The following FAM3A variants were observed in gnomAD, a reference collection of about 807,000 sequenced individuals.
FAM3A encodes the protein protein FAM3A.
In FAM3A, 5 loss-of-function variants were observed where a neutral mutation model predicts 18.1. The observed-to-expected ratio is 0.28, with a 90% CI of 0.14 to 0.58. FAM3A has a LOEUF of 0.58. Ranked by LOEUF, FAM3A falls within the 20% of genes least tolerant of loss-of-function variation. The probability of loss-of-function intolerance (pLI) is 0.91; values close to 1 mark genes in which losing one functional copy is unlikely to be tolerated. For missense variants in FAM3A, 154 were observed against 216.6 expected (o/e 0.71, Z 1.81); for synonymous variants, 108 against 90.2 (o/e 1.20, Z -1.12).
rs782432157 is a variant in FAM3A at position 154,512,275 on chromosome X, G to T, written c.128-404C>A. On this transcript the variant is annotated intron_variant, in intron 2 of 8. Coordinates refer to ENST00000447601, the MANE Select transcript of FAM3A (RefSeq NM_021806.4). ...ATAATAATAATAATAATAAGAAGAA[G>T]AAGAAGAAGAAGAAGAAGCCGGGTT... The T allele has an allele frequency of 4.9e-4, 119 of 243,053 alleles. 1 individual carries two copies. Among genetic ancestry groups the T allele is most frequent in the African/African-American group, 3.7e-3 (113 of 30,690 alleles). 20.0% of individuals were successfully genotyped at this position (243,053 alleles called of 1,213,427 possible).
intron 1 of FAM3A, among the ~76,000 whole-genome samples, chrX:154,513,837 CT>C (rs1557224188): frequency 9.1e-6 from 1 of 110,490 alleles, no homozygotes; most frequent in Non-Finnish European, 1.9e-5. Flanking sequence ...TCCCCATCCT[CT>C]TTCCCCTAAC....
Position 154,508,280 on chromosome X carries a change from G to A in FAM3A, c.334+9C>T. On this transcript the variant is annotated intron_variant, in intron 5 of 8. Transcript: ENST00000447601. ...AGGGCGGCAGGCCACGCTCAGCCAGGGGCCTCACCGTTCACCAGGGCGATG... is the reference window on the plus strand; with the variant it reads ...AGGGCGGCAGGCCACGCTCAGCCAGAGGCCTCACCGTTCACCAGGGCGATG... 1 of 1,071,357 alleles carries A rather than the reference G, an allele frequency of 9.3e-7. No individual in the cohort carries two copies. 88.3% of individuals were successfully genotyped at this position (1,071,357 alleles called of 1,213,427 possible). A position where few individuals can be genotyped will look rare whatever the true frequency, so the allele number is the denominator to read the frequency against.
chrX:154,506,415 G>C lies in FAM3A; in HGVS notation c.*396C>G, dbSNP rs1365226104. ...GTGCAGAGTGGCTCCAGAAGGGAGA[G>C]GTTCTGGAAGACGCCCCAACCTGCC... On this transcript the variant is annotated 3_prime_UTR_variant, in exon 9 of 9. Transcript: ENST00000447601. The C allele has an allele frequency of 2.2e-5, 4 of 185,942 alleles. No individual in the cohort carries two copies. Among genetic ancestry groups the C allele is most frequent in the East Asian group, 1.2e-4 (1 of 8,258 alleles). 15.3% of individuals were successfully genotyped at this position (185,942 alleles called of 1,213,427 possible).
chrX:154,506,965 G>A, intron 8 of FAM3A, 59 bp from the exon 9 acceptor site: 4 of 1,028,214 alleles, frequency 3.9e-6, no homozygotes, highest in Non-Finnish European at 4.1e-6. Flanking sequence ...GGACAGGAGT[G>A]GACCAGGACC....
intron 8 of FAM3A, 72 bp from the exon 9 acceptor site, chrX:154,506,978 G>A (rs1363824862): frequency 8.1e-6 from 8 of 991,457 alleles, no homozygotes; most frequent in South Asian, 2.0e-5. Context: ...CCAGGACCCA[G>A]GCTGTCAGTC....
At position 154,506,585 on chromosome X, in the gene FAM3A, ACCCTGGGCTCCCGTGAC is replaced by A. The variant is rs2069533488; in HGVS notation, c.*209_*225del. Reference sequence around the variant, plus strand: ...ACAGTGTTACGAAAAGGAGGCGGGTACCCTGGGCTCCCGTGACAAAGTGCGGCAGGGCTACCCCCTGC... The same window carrying A: ...ACAGTGTTACGAAAAGGAGGCGGGTAAAAGTGCGGCAGGGCTACCCCCTGC... On this transcript the variant is annotated 3_prime_UTR_variant, in exon 9 of 9. Transcript: ENST00000447601. The A allele has an allele frequency of 2.4e-6, 1 of 414,807 alleles. No individual in the cohort carries two copies. The highest frequency in any genetic ancestry group is 4.2e-6 in the Non-Finnish European group (1 of 236,590). 34.2% of individuals were successfully genotyped at this position (414,807 alleles called of 1,213,427 possible).
rs782699378 is a variant in FAM3A, at chrX:154,507,850, C to T, written c.346G>A (p.Glu116Lys). The change falls in exon 6 of 9, where the codon GAG becomes AAG. Residue 116 changes from glutamate to lysine, a missense_variant. By Grantham distance (56) the Glu-to-Lys change is moderately conservative. Around this residue, in one of 3 missense-constraint regions of FAM3A, gnomAD observed 112 missense variants for 160.0 expected, o/e 0.70. Transcript: ENST00000447601. ...TCAAAGGCCCGGGCCTCGATGAGCT[C>T]GCCGCTGACCCCTGTGTCAGGAGGG... ...NIALVNGVSG[E>K]LIEARAFDMW... The T allele has an allele frequency of 8.4e-6, 10 of 1,191,421 alleles. No homozygotes were observed. In the East Asian group the frequency reaches 9.1e-5, roughly 11 times the overall value.
chrX:154,515,110 G>A (rs1201889835), intron 1 of FAM3A, among the ~76,000 whole-genome samples: 5 of 112,270 alleles, frequency 4.5e-5, no homozygotes, highest in Non-Finnish European at 9.4e-5. Context: ...GTGAGCCACC[G>A]CGCCCGGCCT....
rs2070167881 is a variant in FAM3A at position 154,515,849 on chromosome X, G to C, written c.-77C>G. The C allele has an allele frequency of 2.7e-6, 3 of 1,110,620 alleles. No individual in the cohort carries two copies. Among genetic ancestry groups the C allele is most frequent in the Non-Finnish European group, 3.7e-6 (3 of 805,771 alleles). The allele number at this position is 1,110,620 out of a possible 1,213,427, so 91.5% of individuals were successfully genotyped here. A position where few individuals can be genotyped will look rare whatever the true frequency, so the allele number is the denominator to read the frequency against. On this transcript the variant is annotated 5_prime_UTR_variant, in exon 1 of 9. Transcript: ENST00000447601. ...CAAAGCGGAAGGACAGGTTTGGGTG[G>C]GGGTCAGGGGCAAGCCTGTGCGGGA... is the stretch of plus-strand genomic sequence containing the variant.
At chrX:154,508,178 C>A in intron 5 of FAM3A, 111 bp downstream of exon 5, 1 of 585,655 alleles carries the variant, frequency 1.7e-6, no homozygotes, top group Non-Finnish European at 2.6e-6. Flanking sequence ...CCTTCCCAGG[C>A]CTCCCTGGGA....
chrX:154,515,398 C>T (rs1405863076), intron 1 of FAM3A, among the ~76,000 whole-genome samples: 1 of 111,588 alleles, frequency 9.0e-6, no homozygotes, highest in Non-Finnish European at 1.9e-5. Context: ...GTAGGGCTGT[C>T]ATCGGGTTCA....
Position 154,506,659 on chromosome X carries a change from C to T in FAM3A, c.*152G>A, listed in dbSNP as rs1326117970. The T allele has an allele frequency of 1.1e-5, 5 of 468,982 alleles. No individual in the cohort carries two copies. Among genetic ancestry groups the T allele is most frequent in the East Asian group, 3.7e-5 (1 of 26,932 alleles). 38.6% of individuals were successfully genotyped at this position (468,982 alleles called of 1,213,427 possible). Reference sequence around the variant, plus strand: ...CATAGCCCCCACCACCTTGAGACCACGTTCTGGTCACTGCCTCGGAGCCCC... The same window carrying T: ...CATAGCCCCCACCACCTTGAGACCATGTTCTGGTCACTGCCTCGGAGCCCC... On this transcript the variant is annotated 3_prime_UTR_variant, in exon 9 of 9. Transcript: ENST00000447601.
Position 154,515,882 on chromosome X carries a change from T to A in FAM3A, c.-110A>T. ...GGGCAAGCCTGTGCGGGACCCCTGC[T>A]GGGGGCGGGCGCGATCGGTGCTACG... On this transcript the variant is annotated 5_prime_UTR_variant, in exon 1 of 9. Transcript: ENST00000447601. The A allele has an allele frequency of 9.2e-6, 7 of 759,143 alleles. No individual in the cohort carries two copies. Among genetic ancestry groups the A allele is most frequent in the Non-Finnish European group, 1.4e-5 (7 of 506,465 alleles). 62.6% of individuals were successfully genotyped at this position (759,143 alleles called of 1,213,427 possible). A position where few individuals can be genotyped will look rare whatever the true frequency, so the allele number is the denominator to read the frequency against.
Position 154,507,494 on chromosome X carries a change from G to T in FAM3A, c.386-4C>A. ...AACTTCAACAGGTCGTTGACATCTG[G>T]GGGGGCAGGTGCCACGGAACAGGGG... On this transcript the variant is annotated splice_region_variant and splice_polypyrimidine_tract_variant and intron_variant, in intron 6 of 8. Coordinates refer to ENST00000447601, the MANE Select transcript of FAM3A (RefSeq NM_021806.4). 7 of 1,208,305 alleles carry T rather than the reference G, an allele frequency of 5.8e-6. No homozygotes were observed. The highest frequency in any genetic ancestry group is 5.6e-6 in the Non-Finnish European group (5 of 894,057).
chrX:154,512,208 C>A, intron 2 of FAM3A: 1 of 226,361 alleles, frequency 4.4e-6, no homozygotes, highest in Non-Finnish European at 7.5e-6. Flanking sequence ...ATGGTGAAAC[C>A]CCATCTCTAC....
chrX:154,506,605 AGTGCGGCAGGGCTACCCC>A lies in FAM3A; in HGVS notation c.*188_*205del, dbSNP rs2069536269. On this transcript the variant is annotated 3_prime_UTR_variant, in exon 9 of 9. Transcript: ENST00000447601. ...CGGGTACCCTGGGCTCCCGTGACAA[AGTGCGGCAGGGCTACCCC>A]CTGCAGCCCCCATAGCCCCCACCAC... 2.4e-6 allele frequency: 1 copy of A among 423,754 alleles called. No homozygotes were observed. Among genetic ancestry groups the A allele is most frequent in the Non-Finnish European group, 4.1e-6 (1 of 242,385 alleles). The allele number at this position is 423,754 out of a possible 1,213,427, so 34.9% of individuals were successfully genotyped here.
At chrX:154,508,414 C>T in intron 4 of FAM3A, 60 bp downstream of exon 4, 1 of 1,183,326 alleles carries the variant, frequency 8.5e-7, no homozygotes. Flanking sequence ...CTCTCCCTTG[C>T]AGACCCGGCC....
chrX:154,515,621 G>A (rs2070155324), intron 1 of FAM3A, 139 bp downstream of exon 1: 2 of 659,484 alleles, frequency 3.0e-6, no homozygotes, highest in Admixed American at 2.2e-5. Flanking sequence ...CAAGGAACGA[G>A]TGTTTGTGCA....
At chrX:154,509,764 G>A (rs1257033715) in intron 3 of FAM3A, 1 of 111,761 alleles carries the variant, frequency 8.9e-6, no homozygotes, top group Non-Finnish European at 1.9e-5. Context: ...CATAATAGTG[G>A]CATTCATCCA....
Sources: gnomAD v4.1 joint callset for allele counts (sites outside exome capture counted in the v4.1 genomes callset) on GRCh38, gnomAD v4.1.1 for gene constraint, gnomAD v4.1.1 regional missense constraint, MANE v1.5 for transcripts, NCBI Gene and HGNC (gene_info 2026-07-23, HGNC 2026-07-21) for gene names.